Variants in SLC26A9 observed in about 807,000 individuals in gnomAD.
SLC26A9 encodes anion transporter/exchanger protein 9.
SLC26A9 carries 46 observed loss-of-function variants against 87.1 expected under a neutral mutation model. The ratio of observed to expected loss-of-function variants is 0.53; its 90% confidence interval spans 0.42 to 0.67. SLC26A9 has a LOEUF of 0.67. SLC26A9 is among the 30% of genes least tolerant of loss of function. The pLI is 0.00. For missense variants in SLC26A9, 927 were observed against 1,018.3 expected, an observed-to-expected ratio of 0.91 and a Z score of 1.22; for synonymous variants, 437 against 409.1, an observed-to-expected ratio of 1.07 and a Z score of -0.82.
In SLC26A9 at chr1:205,915,219, G is replaced by A. The variant is rs369057392; in HGVS notation, c.*138C>T. On this transcript the variant is annotated 3_prime_UTR_variant, in exon 21 of 21. Transcript: ENST00000367135. ...GGGGAGGGAAGGAAGGGAGGAGAGA[G>A]GGGGAGAGGAGAGAGGAACCCAAGC... is the stretch of plus-strand genomic sequence containing the variant. 5.6e-6 allele frequency: 9 copies of A among 1,606,116 alleles called. No individual in the cohort carries two copies. In the Admixed American group the frequency reaches 6.7e-5, roughly 12 times the overall value.
Position 205,923,394 on chromosome 1 carries a change from A to G in SLC26A9, c.1600T>C (p.Tyr534His). Residue 534 changes from tyrosine to histidine, a missense_variant, in exon 15 of 21, where the codon TAC (tyrosine) becomes CAC (histidine). Coordinates refer to ENST00000367135, the MANE Select transcript of SLC26A9 (RefSeq NM_052934.4). ...TTGGCAAAGTAGAGAGGGGAGCAGT[A>G]CGTGATGATTTTAATCCCCTGGATA... ...QDIQGIKIIT[Y>H]CSPLYFANSE... 1 of 1,614,224 alleles carries G rather than the reference A, an allele frequency of 6.2e-7. No individual in the cohort carries two copies. Among genetic ancestry groups the G allele is most frequent in the Non-Finnish European group, 8.5e-7 (1 of 1,180,036 alleles).
chr1:205,924,745 G>A (rs190175419), intron 12 of SLC26A9: 1 of 434,636 alleles, frequency 2.3e-6, no homozygotes, highest in Non-Finnish European at 4.2e-6. Context: ...CAGGGAGGTG[G>A]CATCTATAAG....
At chr1:205,940,121 G>C (rs557095273) in intron 1 of SLC26A9, among the ~76,000 whole-genome samples, 124 of 152,328 alleles carry the variant, frequency 8.1e-4, no homozygotes, top group Non-Finnish European at 1.5e-3. Flanking sequence ...GGAGAGCAGA[G>C]GGCAGGAGAT....
Position 205,932,967 on chromosome 1 carries a change from C to A in SLC26A9, c.243G>T (p.Gly81=). Residue 81 remains glycine, a synonymous_variant, in exon 3 of 21, where the codon GGG becomes GGT. Coordinates refer to ENST00000367135, the MANE Select transcript of SLC26A9 (RefSeq NM_052934.4). ...IIPDLLGGLS[G]GSIQVPQGMA... ...CACCTTGTGGGACCTGGATGGATCC[C>A]CCGCTGAGTCCACCGAGCAGGTCAG... 6.2e-7 allele frequency: 1 copy of A among 1,614,010 alleles called. No individual in the cohort carries two copies. The highest frequency in any genetic ancestry group is 8.5e-7 in the Non-Finnish European group (1 of 1,179,986).
At chr1:205,931,401 G>A (rs945996437) in intron 5 of SLC26A9, among the ~76,000 whole-genome samples, 1 of 149,408 alleles carries the variant, frequency 6.7e-6, no homozygotes, top group African/African-American at 2.5e-5. Flanking sequence ...AGGAGATACT[G>A]TTAATTTTCA....
At chr1:205,918,759 T>C (rs1658698861) in intron 19 of SLC26A9, 81 bp downstream of exon 19, 2 of 1,519,966 alleles carry the variant, frequency 1.3e-6, no homozygotes, top group East Asian at 2.3e-5. Context: ...AACCTTCTCC[T>C]GTGTTCTTTC....
At chr1:205,928,746 A>C in intron 8 of SLC26A9, 81 bp downstream of exon 8, 1 of 1,336,262 alleles carries the variant, frequency 7.5e-7, no homozygotes, top group Non-Finnish European at 1.1e-6. Flanking sequence ...CATAGAGTTC[A>C]TCTTGTCTCC....
intron 1 of SLC26A9, among the ~76,000 whole-genome samples, chr1:205,939,365 C>T (rs1247220589): frequency 6.6e-6 from 1 of 152,154 alleles, no homozygotes; most frequent in African/African-American, 2.4e-5. Flanking sequence ...GTGACCTTGC[C>T]ACCCCAGCTG....
chr1:205,914,784 G>C lies in SLC26A9; in HGVS notation c.*573C>G. On this transcript the variant is annotated 3_prime_UTR_variant, in exon 21 of 21. Transcript: ENST00000367135. ...GGAGGGGGGGCGCATAGTTACCAAG[G>C]CCTAGACTCCTGGGTGTGGAGAGCA... 7.1e-7 allele frequency: 1 copy of C among 1,402,864 alleles called. No individual in the cohort carries two copies. The highest frequency in any genetic ancestry group is 9.7e-7 in the Non-Finnish European group (1 of 1,028,032). The allele number at this position is 1,402,864 out of a possible 1,614,324, so 86.9% of individuals were successfully genotyped here.
At chr1:205,939,367 C>A (rs1371933450) in intron 1 of SLC26A9, among the ~76,000 whole-genome samples, 1 of 152,156 alleles carries the variant, frequency 6.6e-6, no homozygotes, top group Non-Finnish European at 1.5e-5. Flanking sequence ...GACCTTGCCA[C>A]CCCAGCTGAT....
chr1:205,938,787 A>T (rs1659621233), intron 1 of SLC26A9, among the ~76,000 whole-genome samples: 1 of 151,964 alleles, frequency 6.6e-6, no homozygotes, highest in Non-Finnish European at 1.5e-5. Flanking sequence ...ACCCTGAAGG[A>T]TTTCTCTTTC....
intron 6 of SLC26A9, 145 bp from the exon 7 acceptor site, chr1:205,929,501 G>T: frequency 7.7e-7 from 1 of 1,297,246 alleles, no homozygotes; most frequent in Non-Finnish European, 1.0e-6. Flanking sequence ...CAGGAACCCT[G>T]TCCCGTCGCC....
chr1:205,936,240 C>T (rs1473537), intron 1 of SLC26A9, among the ~76,000 whole-genome samples: 14,045 of 152,260 alleles, frequency 0.092, 698 homozygotes, highest in Middle Eastern at 0.16. Flanking sequence ...TCCCAGACCT[C>T]AGTTTCCCTG....
chr1:205,932,659 G>C (rs1659351995), intron 4 of SLC26A9, 43 bp downstream of exon 4: 3 of 1,473,902 alleles, frequency 2.0e-6, no homozygotes, highest in Non-Finnish European at 2.7e-6. Flanking sequence ...TCCCATCCTT[G>C]GGGTCTGGGT....
chr1:205,937,219 C>T (rs1012320589), intron 1 of SLC26A9, among the ~76,000 whole-genome samples: 6 of 121,926 alleles, frequency 4.9e-5, no homozygotes, highest in East Asian at 2.2e-4. Flanking sequence ...GTGGGATGCC[C>T]GGCAAGACCC....
chr1:205,925,045 C>T (rs756205426), intron 12 of SLC26A9, among the ~76,000 whole-genome samples: 20 of 152,216 alleles, frequency 1.3e-4, no homozygotes, highest in Non-Finnish European at 2.5e-4. Context: ...CCTCCTGCCT[C>T]AGCCCCCTAA....
intron 9 of SLC26A9, 148 bp downstream of exon 9, chr1:205,927,754 C>CAG: frequency 7.0e-7 from 1 of 1,433,574 alleles, no homozygotes. Flanking sequence ...AAGAGGAGGT[C>CAG]AGCCTCTTAG....
At position 205,914,124 on chromosome 1, in the gene SLC26A9, G is replaced by C. The variant is rs187983581; in HGVS notation, c.*1233C>G. On this transcript the variant is annotated 3_prime_UTR_variant, in exon 21 of 21. Coordinates refer to ENST00000367135, the MANE Select transcript of SLC26A9 (RefSeq NM_052934.4). ...TTAACCCCTATTTTCATCTTCATAG[G>C]AGAAGATGGCCTGAGGTCCTAAGGG... The C allele has an allele frequency of 8.3e-4, 126 of 152,262 alleles. No homozygotes were observed. The highest frequency in any genetic ancestry group is 3.0e-3 in the African/African-American group (123 of 41,546). 9.4% of individuals were successfully genotyped at this position (152,262 alleles called of 1,614,324 possible).
In SLC26A9 at chr1:205,917,328, C is replaced by T. The variant is rs1183310712; in HGVS notation, c.2283G>A (p.Leu761=). Residue 761 remains leucine (L), a synonymous_variant, in exon 20 of 21, where the codon TTG becomes TTA. Transcript: ENST00000367135. ...QGAPGDAELS[L]YDSEEDIRSY... ...TGCGAATGTCCTCCTCTGAGTCGTA[C>T]AAGGAGAGCTCAGCATCCCCTGGAG... The T allele has an allele frequency of 6.2e-7, 1 of 1,614,004 alleles. No individual in the cohort carries two copies. The highest frequency in any genetic ancestry group is 1.7e-5 in the Admixed American group (1 of 60,006).
Sources: allele counts gnomAD v4.1 joint callset (sites outside exome capture counted in the v4.1 genomes callset), GRCh38; gene constraint gnomAD v4.1.1; transcripts MANE v1.5; gene names NCBI Gene and HGNC (gene_info 2026-07-23, HGNC 2026-07-21).